STK3: variants seen among roughly 807,000 people sequenced by gnomAD.
STK3 encodes the protein serine/threonine kinase 3, also known as serine/threonine-protein kinase 3.
Under a neutral mutation model 58.0 loss-of-function variants are expected in STK3, and 41 were observed. That is an observed-to-expected ratio of 0.71 (90% CI 0.55 to 0.92). The LOEUF (loss-of-function observed/expected upper bound fraction) is 0.92, where lower values mean the gene tolerates loss of function less well. Among genes scored for constraint, STK3 ranks in the 40% least tolerant of loss-of-function variants. STK3 has a pLI of 0.00. For missense variants in STK3, 479 were observed against 602.7 expected (o/e 0.79, Z 2.15); for synonymous variants, 170 against 191.0 (o/e 0.89, Z 0.91).
At chr8:98,601,657 G>C (rs1458958173) in intron 6 of STK3, 2 of 152,198 alleles carry the variant, frequency 1.3e-5, no homozygotes, top group East Asian at 3.8e-4. Context: ...TACAAAGGAT[G>C]ACTTAGCCCA....
At chr8:98,594,010 A>G (rs1815576318) in intron 7 of STK3, among the ~76,000 whole-genome samples, 1 of 152,142 alleles carries the variant, frequency 6.6e-6, no homozygotes, top group Non-Finnish European at 1.5e-5. Context: ...ACTACTTTAA[A>G]ATACATATAT....
upstream of STK3, among the ~76,000 whole-genome samples, chr8:98,389,062 C>T (rs1335871200): frequency 6.6e-6 from 1 of 152,146 alleles, no homozygotes; most frequent in Non-Finnish European, 1.5e-5. Flanking sequence ...TAAGCCACCT[C>T]CCATGACTGA....
intron 1 of STK3, among the ~76,000 whole-genome samples, chr8:98,779,627 T>G (rs896703038): frequency 2.6e-5 from 4 of 152,242 alleles, no homozygotes; most frequent in African/African-American, 9.6e-5. Context: ...TATCTCATTA[T>G]GTATATGCAA....
chr8:98,429,438 C>T (rs757488510), intron 3 of STK3: 22 of 1,524,964 alleles, frequency 1.4e-5, no homozygotes, highest in Admixed American at 6.8e-5. Context: ...CACCCTCCAC[C>T]CCACATTGCT....
At chr8:98,655,192 C>G (rs1821383857) in intron 6 of STK3, among the ~76,000 whole-genome samples, 1 of 152,088 alleles carries the variant, frequency 6.6e-6, no homozygotes, top group South Asian at 2.1e-4. Context: ...ATACCTACAA[C>G]TATCTGATCT....
the STK3 span, among the ~76,000 whole-genome samples, chr8:98,357,953 C>A: frequency 6.6e-6 from 1 of 152,246 alleles, no homozygotes; most frequent in East Asian, 1.9e-4. Flanking sequence ...GGCCTTTCCC[C>A]AGGACCCATG....
chr8:98,784,811 C>T (rs1397580112), intron 1 of STK3, among the ~76,000 whole-genome samples: 1 of 151,854 alleles, frequency 6.6e-6, no homozygotes, highest in Non-Finnish European at 1.5e-5. Context: ...CCCACTTTTC[C>T]TGTGCAGAGA....
At chr8:98,777,007 G>A (rs1295350811) in intron 1 of STK3, among the ~76,000 whole-genome samples, 1 of 151,308 alleles carries the variant, frequency 6.6e-6, no homozygotes, top group Admixed American at 6.6e-5. Context: ...CCGAGATCGC[G>A]CCGCTGCACT....
chr8:98,486,665 G>T (rs1266224561), intron 10 of STK3, among the ~76,000 whole-genome samples: 5 of 152,216 alleles, frequency 3.3e-5, no homozygotes, highest in Admixed American at 2.0e-4. Context: ...GGTGAGGGGA[G>T]AGGAAGAAAG....
intron 6 of STK3, among the ~76,000 whole-genome samples, chr8:98,695,380 G>C (rs996936700): frequency 6.6e-6 from 1 of 152,102 alleles, no homozygotes; most frequent in African/African-American, 2.4e-5. Flanking sequence ...TTTGGCTTTT[G>C]TTGCCATTGC....
intron 10 of STK3, among the ~76,000 whole-genome samples, chr8:98,481,125 T>G (rs1821817200): frequency 6.6e-6 from 1 of 152,058 alleles, no homozygotes; most frequent in Admixed American, 6.6e-5. Flanking sequence ...GTCACATGAT[T>G]CTGGTATATT....
rs942356940 is a variant in STK3, at chr8:98,533,939, A to G, written c.1142-7022T>C. 5.3e-5 allele frequency among the ~76,000 whole-genome samples: 8 copies of G among 152,340 alleles called. No homozygotes were observed. In the South Asian group the frequency reaches 1.7e-3, roughly 32 times the overall value. On this transcript the variant is annotated intron_variant, in intron 9 of 10. Coordinates refer to ENST00000419617, the MANE Select transcript of STK3 (RefSeq NM_006281.4). The stretch of plus-strand genomic sequence containing the variant: ...CTGTCTACCCAGATGTTGAATACCT[A>G]TGAACAACAGCAGGAGCCATGGTTT...
At chr8:98,624,011 GA>G (rs1300325766) in intron 6 of STK3, among the ~76,000 whole-genome samples, 2 of 152,236 alleles carry the variant, frequency 1.3e-5, no homozygotes, top group Non-Finnish European at 2.9e-5. Context: ...CGGAGGGACA[GA>G]AACAGTGAAC....
intron 1 of STK3, among the ~76,000 whole-genome samples, chr8:98,806,148 C>T (rs1208210863): frequency 6.6e-6 from 1 of 152,104 alleles, no homozygotes; most frequent in Non-Finnish European, 1.5e-5. Context: ...AGCCTATTTC[C>T]ATTAAATACC....
At chr8:98,529,168 A>C (rs1387057492) in intron 9 of STK3, among the ~76,000 whole-genome samples, 2 of 152,242 alleles carry the variant, frequency 1.3e-5, no homozygotes, top group South Asian at 2.1e-4. Flanking sequence ...TGGTCAAAAG[A>C]AAGCATGTTA....
intron 3 of STK3, among the ~76,000 whole-genome samples, chr8:98,849,356 CAT>C (rs544724150): frequency 2.4e-4 from 37 of 152,048 alleles, no homozygotes; most frequent in Admixed American, 1.4e-3. Flanking sequence ...TCAAATATAA[CAT>C]GTGTGGTTAC....
intron 1 of STK3, among the ~76,000 whole-genome samples, chr8:98,926,677 GT>G (rs1839812020): frequency 6.6e-6 from 1 of 152,168 alleles, no homozygotes; most frequent in Non-Finnish European, 1.5e-5. Context: ...TACAAATGCA[GT>G]TGTAAAATTA....
At chr8:98,443,505 A>G (rs1818777050) in intron 1 of STK3, among the ~76,000 whole-genome samples, 1 of 152,232 alleles carries the variant, frequency 6.6e-6, no homozygotes, top group East Asian at 1.9e-4. Flanking sequence ...CTGTGTCCTC[A>G]TGGAGGCCAG....
At chr8:98,589,907 C>A (rs1209927074) in intron 7 of STK3, among the ~76,000 whole-genome samples, 2 of 152,198 alleles carry the variant, frequency 1.3e-5, no homozygotes, top group Non-Finnish European at 2.9e-5. Context: ...AAGGGAACCC[C>A]CTGACCCCTT....
Sources: allele counts gnomAD v4.1 joint callset (sites outside exome capture counted in the v4.1 genomes callset), GRCh38; gene constraint gnomAD v4.1.1; transcripts MANE v1.5; gene names NCBI Gene and HGNC (gene_info 2026-07-23, HGNC 2026-07-21).